The following SCUBE1 variants were observed in gnomAD, a reference collection of about 807,000 sequenced individuals.
SCUBE1 encodes signal peptide, CUB and EGF-like domain-containing protein 1.
In SCUBE1, 59 loss-of-function variants were observed where a neutral mutation model predicts 124.4. The observed-to-expected ratio is 0.47, with a 90% CI of 0.38 to 0.59. The LOEUF is 0.59. Ranked by LOEUF, SCUBE1 falls within the 20% of genes least tolerant of loss-of-function variation. The pLI, the probability that SCUBE1 is intolerant of heterozygous loss-of-function variation, is 0.00. For synonymous variants in SCUBE1, 545 were observed against 550.9 expected (o/e 0.99, Z 0.15); for missense variants, 1,150 against 1,371.2 (o/e 0.84, Z 2.55).
In SCUBE1 at chr22:43,332,684, GCT is replaced by G. The variant is rs769452049; in HGVS notation, c.220+6418_220+6419del. Among the ~76,000 whole-genome samples, 6 of 152,164 alleles carry G rather than the reference GCT, an allele frequency of 3.9e-5. No individual in the cohort carries two copies. In the East Asian group the frequency reaches 9.6e-4, roughly 24 times the overall value. ...GTCCACACCAGTTATCCTCAGACTA[GCT>G]CTCTCTCTGTGCAAGCCTCTGCTTC... On this transcript the variant is annotated intron_variant, in intron 2 of 21. Coordinates refer to ENST00000360835, the MANE Select transcript of SCUBE1 (RefSeq NM_173050.5).
chr22:43,231,827 C>T lies in SCUBE1; in HGVS notation c.893G>A (p.Arg298His), dbSNP rs767530401. Residue 298 changes from arginine (R) to histidine (H), a missense_variant, in exon 8 of 22, where the codon CGC (arginine) becomes CAC (histidine). Transcript: ENST00000360835. Reference protein sequence around the residue: ...VNNGGCDHFCRNTVGSFECGC... With the variant: ...VNNGGCDHFCHNTVGSFECGC... Reference sequence around the variant, plus strand: ...GCACTCGAAGCTGCCCACGGTGTTGCGGCAGAAGTGGTCGCAGCCTCCGTT... The same window carrying T: ...GCACTCGAAGCTGCCCACGGTGTTGTGGCAGAAGTGGTCGCAGCCTCCGTT... 7.4e-6 allele frequency: 12 copies of T among 1,613,408 alleles called. No homozygotes were observed. The highest frequency in any genetic ancestry group is 4.4e-5 in the South Asian group (4 of 91,046).
chr22:43,212,277 C>T, intron 17 of SCUBE1, 148 bp downstream of exon 17: 1 of 867,408 alleles, frequency 1.2e-6, no homozygotes. Context: ...AGTGGGTCAC[C>T]CACGCCCACG....
chr22:43,230,514 C>T (rs1456976235), intron 8 of SCUBE1, among the ~76,000 whole-genome samples: 3 of 152,208 alleles, frequency 2.0e-5, no homozygotes, highest in African/African-American at 4.8e-5. Flanking sequence ...CCTCGACAGC[C>T]GCCTGCCTCT....
chr22:43,200,202 T>A lies in SCUBE1; in HGVS notation c.*3795A>T, dbSNP rs557723540. ...CCTGGAGACCGGGCAGGCGCCTCCG[T>A]CCCGGCCAGATGGCAGTGCAGGGAC... is the stretch of plus-strand genomic sequence containing the variant. On this transcript the variant is annotated 3_prime_UTR_variant, in exon 22 of 22. Coordinates refer to ENST00000360835, the MANE Select transcript of SCUBE1 (RefSeq NM_173050.5). 1.7e-3 allele frequency: 258 copies of A among 152,348 alleles called. 1 individual carries two copies. The highest frequency in any genetic ancestry group is 5.9e-3 in the African/African-American group (244 of 41,546). 9.4% of individuals were successfully genotyped at this position (152,348 alleles called of 1,614,324 possible). A position where few individuals can be genotyped will look rare whatever the true frequency, so the allele number is the denominator to read the frequency against.
chr22:43,234,000 C>G (rs947605011), intron 7 of SCUBE1, among the ~76,000 whole-genome samples: 1 of 151,926 alleles, frequency 6.6e-6, no homozygotes, highest in African/African-American at 2.4e-5. Flanking sequence ...CAGCACCACA[C>G]GCAGGAGCCG....
At chr22:43,273,564 T>TTTTTTTTTTTTTC (rs1924377408) in intron 4 of SCUBE1, among the ~76,000 whole-genome samples, 1 of 118,196 alleles carries the variant, frequency 8.5e-6, no homozygotes, top group African/African-American at 3.1e-5. Context: ...AAACCCTCTT[T>TTTTTTTTTTTTTC]TTTTTTTTTT....
At chr22:43,251,864 A>G (rs762950) in intron 6 of SCUBE1, among the ~76,000 whole-genome samples, 70,315 of 152,012 alleles carry the variant, frequency 0.46, 17,655 homozygotes, top group African/African-American at 0.64. Context: ...CTCCAGGGAG[A>G]GGGGCTTGAT....
At chr22:43,223,833 C>G (rs1202160454) in intron 10 of SCUBE1, among the ~76,000 whole-genome samples, 3 of 152,218 alleles carry the variant, frequency 2.0e-5, no homozygotes, top group Non-Finnish European at 4.4e-5. Context: ...TGAGTGACAG[C>G]CTCGCACTCT....
intron 9 of SCUBE1, among the ~76,000 whole-genome samples, chr22:43,228,778 C>T (rs1418470249): frequency 6.6e-6 from 1 of 152,252 alleles, no homozygotes; most frequent in African/African-American, 2.4e-5. Context: ...GCCCCCGCTC[C>T]TGGCCCGAGT....
At chr22:43,293,540 A>C (rs943287396) in intron 3 of SCUBE1, among the ~76,000 whole-genome samples, 1 of 152,252 alleles carries the variant, frequency 6.6e-6, no homozygotes, top group Non-Finnish European at 1.5e-5. Flanking sequence ...GAGCACGTGC[A>C]CGTCAGCCCC....
chr22:43,210,750 T>C lies in SCUBE1; in HGVS notation c.2383+172A>G, dbSNP rs1266457495. Among the ~76,000 whole-genome samples the C allele has an allele frequency of 6.6e-6, 1 of 152,214 alleles. No individual in the cohort carries two copies. The highest frequency in any genetic ancestry group is 2.4e-5 in the African/African-American group (1 of 41,450). ...GTGGGCCAAGCCAGGGCTGCCCCTT[T>C]GGTGCCACAGGCCTCCAGATGGATG... On this transcript the variant is annotated intron_variant, in intron 18 of 21. Transcript: ENST00000360835. This position sits in a 1 kb window ranked among gnomAD's most constrained non-coding sequence, Gnocchi z 4.5.
chr22:43,244,141 T>C (rs1047741427), intron 6 of SCUBE1, among the ~76,000 whole-genome samples: 1 of 152,040 alleles, frequency 6.6e-6, no homozygotes, highest in Non-Finnish European at 1.5e-5. Context: ...GGTCTGCGCC[T>C]TCCTCTCACA....
At chr22:43,328,728 C>T (rs1926808084) in intron 2 of SCUBE1, among the ~76,000 whole-genome samples, 1 of 152,138 alleles carries the variant, frequency 6.6e-6, no homozygotes, top group Non-Finnish European at 1.5e-5. Context: ...TAGTGCAATT[C>T]GGTTTCATTC....
intron 3 of SCUBE1, among the ~76,000 whole-genome samples, chr22:43,315,713 G>A (rs1055595994): frequency 1.4e-5 from 2 of 144,430 alleles, no homozygotes; most frequent in African/African-American, 5.1e-5. Context: ...GCAAGTTAGA[G>A]CCGCGTGAGG....
intron 6 of SCUBE1, among the ~76,000 whole-genome samples, chr22:43,248,095 A>AGACAGGGAGGCTGGGC (rs1923289501): frequency 6.6e-6 from 1 of 152,202 alleles, no homozygotes; most frequent in Non-Finnish European, 1.5e-5. Flanking sequence ...TGGGGCTGGG[A>AGACAGGGAGGCTGGGC]GACAGGGAGG....
At chr22:43,338,687 G>A (rs1050185827) in intron 2 of SCUBE1, among the ~76,000 whole-genome samples, 2 of 151,958 alleles carry the variant, frequency 1.3e-5, no homozygotes, top group Admixed American at 6.6e-5. Context: ...CACCACGCTC[G>A]GCTAACTTTT....
rs777621874 is a variant in SCUBE1 at position 43,218,412 on chromosome 22, C to A, written c.1734G>T (p.Leu578=). ...DCLRKRAEQS[L]QAAIKTLRKS... Reference sequence around the variant, plus strand: ...TGCGCAGGGTCTTGATGGCGGCCTGCAGGCTCTGTTCTGCTCGCTTCCGCA... The same window carrying A: ...TGCGCAGGGTCTTGATGGCGGCCTGAAGGCTCTGTTCTGCTCGCTTCCGCA... Residue 578 remains leucine, a synonymous_variant, in exon 15 of 22, where the codon CTG becomes CTT. Coordinates refer to ENST00000360835, the MANE Select transcript of SCUBE1 (RefSeq NM_173050.5). 6.2e-7 allele frequency: 1 copy of A among 1,613,230 alleles called. No homozygotes were observed. Among genetic ancestry groups the A allele is most frequent in the Non-Finnish European group, 8.5e-7 (1 of 1,180,040 alleles).
At chr22:43,204,268 G>A (rs937661613) in intron 21 of SCUBE1, 119 bp from the exon 22 acceptor site, 1 of 803,792 alleles carries the variant, frequency 1.2e-6, no homozygotes, top group African/African-American at 1.7e-5. Flanking sequence ...GGACCCCACA[G>A]ACCTTCTTTT....
chr22:43,256,987 A>G (rs1923685260), intron 6 of SCUBE1, among the ~76,000 whole-genome samples: 1 of 152,250 alleles, frequency 6.6e-6, no homozygotes, highest in South Asian at 2.1e-4. Context: ...ATCAGACAAG[A>G]CAGGCAATCA....
Sources: allele counts gnomAD v4.1 joint callset (sites outside exome capture counted in the v4.1 genomes callset), GRCh38; gene constraint gnomAD v4.1.1; non-coding constraint Gnocchi (gnomAD v3.1); transcripts MANE v1.5; gene names NCBI Gene and HGNC (gene_info 2026-07-23, HGNC 2026-07-21).